Variants in CDH20 observed in about 807,000 individuals in gnomAD.
The protein encoded by CDH20 is cadherin-20.
In CDH20, 29 loss-of-function variants were observed where a neutral mutation model predicts 74.2. The observed-to-expected ratio is 0.39, with a 90% CI of 0.29 to 0.53. The LOEUF is 0.53. Ranked by LOEUF, CDH20 falls within the 20% of genes least tolerant of loss-of-function variation. The pLI is 0.69. For synonymous variants in CDH20, 469 were observed against 405.4 expected (o/e 1.16, Z -1.88); for missense variants, 988 against 1,048.3 (o/e 0.94, Z 0.79).
intron 1 of CDH20, chr18:61,404,973 T>A (rs918828295): frequency 1.4e-6 from 1 of 710,554 alleles, no homozygotes. Flanking sequence ...CAGTTCAATA[T>A]TATTGCCACT....
rs372495474 is a variant in CDH20 at position 61,357,153 on chromosome 18, A to G, written c.-153+23326A>G. Among the ~76,000 whole-genome samples, 10 of 152,288 alleles carry G rather than the reference A, an allele frequency of 6.6e-5. No individual in the cohort carries two copies. The East Asian group carries it at 7.7e-4, about 12-fold the overall frequency. On this transcript the variant is annotated intron_variant, in intron 1 of 11. Coordinates refer to ENST00000262717, the MANE Select transcript of CDH20 (RefSeq NM_031891.4). ...GTCTCATTTACACCAAGCAGCCAGA[A>G]TACTCTCCAAGAAAAAACTAGATTT...
Position 61,554,280 on chromosome 18 carries a change from G to A in CDH20, c.1991G>A (p.Arg664His), listed in dbSNP as rs769462497. The change falls in exon 12 of 12, where the codon CGC (arginine) becomes CAC (histidine). Residue 664 changes from arginine (R) to histidine (H), a missense_variant. Coordinates refer to ENST00000262717, the MANE Select transcript of CDH20 (RefSeq NM_031891.4). ...GAAAACATCCACGAGAACATCGTCCGCTACGACGACGAGGGCGGCGGCGAG... is the reference window on the plus strand; with the variant it reads ...GAAAACATCCACGAGAACATCGTCCACTACGACGACGAGGGCGGCGGCGAG... ...DEENIHENIV[R>H]YDDEGGGEED... The A allele has an allele frequency of 3.7e-6, 6 of 1,613,868 alleles. No individual in the cohort carries two copies. The highest frequency in any genetic ancestry group is 3.3e-5 in the South Asian group (3 of 91,078).
chr18:61,503,441 C>G (rs1479539593), intron 5 of CDH20, among the ~76,000 whole-genome samples: 1 of 152,004 alleles, frequency 6.6e-6, no homozygotes, highest in Non-Finnish European at 1.5e-5. Context: ...TTGGGTAGAA[C>G]TGACCTTTAG....
At chr18:61,500,318 C>CT in intron 3 of CDH20, 65 bp from the exon 4 acceptor site, 1 of 1,549,296 alleles carries the variant, frequency 6.5e-7, no homozygotes, top group Non-Finnish European at 8.8e-7. Flanking sequence ...AGATGGACCG[C>CT]TCAGGATTGC....
intron 1 of CDH20, among the ~76,000 whole-genome samples, chr18:61,427,708 T>G (rs1913118005): frequency 6.6e-6 from 1 of 152,242 alleles, no homozygotes; most frequent in Non-Finnish European, 1.5e-5. Flanking sequence ...TATCACAAAC[T>G]GATAAACAGT....
chr18:61,366,718 GCC>G (rs1248707971), intron 1 of CDH20, among the ~76,000 whole-genome samples: 3 of 151,888 alleles, frequency 2.0e-5, no homozygotes, highest in African/African-American at 7.3e-5. Context: ...TTATAATGTT[GCC>G]CCTTCCCTCT....
Position 61,337,588 on chromosome 18 carries a change from T to C in CDH20, c.-153+3761T>C, listed in dbSNP as rs77621363. On this transcript the variant is annotated intron_variant, in intron 1 of 11. Transcript: ENST00000262717. ...AACAACCTCCTCTGTATTTTCATACTAATTTAGTGACCAAGAAAACATATT... is the reference window on the plus strand; with the variant it reads ...AACAACCTCCTCTGTATTTTCATACCAATTTAGTGACCAAGAAAACATATT... Among the ~76,000 whole-genome samples the C allele has an allele frequency of 9.6e-3, 1,456 of 152,346 alleles. 23 individuals carry two copies. Among genetic ancestry groups the C allele is most frequent in the African/African-American group, 0.034 (1,395 of 41,584 alleles).
intron 7 of CDH20, among the ~76,000 whole-genome samples, chr18:61,532,199 A>C (rs1337782930): frequency 6.6e-6 from 1 of 152,112 alleles, no homozygotes. Context: ...TAAGGATCAT[A>C]ATTGTGCCTA....
At chr18:61,438,218 T>C (rs1207416044) in intron 1 of CDH20, among the ~76,000 whole-genome samples, 1 of 152,166 alleles carries the variant, frequency 6.6e-6, no homozygotes, top group Non-Finnish European at 1.5e-5. Context: ...TCTTTTGTTT[T>C]CTTTCCCCTT....
chr18:61,378,665 T>C (rs1911329628), intron 1 of CDH20, among the ~76,000 whole-genome samples: 1 of 152,250 alleles, frequency 6.6e-6, no homozygotes, highest in Admixed American at 6.5e-5. Flanking sequence ...CCCAGTCAAG[T>C]TGACGTAAAA....
At chr18:61,455,834 T>G (rs916250738) in intron 1 of CDH20, among the ~76,000 whole-genome samples, 1 of 152,242 alleles carries the variant, frequency 6.6e-6, no homozygotes, top group African/African-American at 2.4e-5. Flanking sequence ...AACCTTATAA[T>G]TCTGTCCTAA....
chr18:61,403,481 C>T (rs1333955848), intron 1 of CDH20, among the ~76,000 whole-genome samples: 1 of 152,228 alleles, frequency 6.6e-6, no homozygotes, highest in Non-Finnish European at 1.5e-5. Context: ...GGACTTTTGT[C>T]TTAACCAGCC....
intron 1 of CDH20, among the ~76,000 whole-genome samples, chr18:61,432,122 C>A (rs1913275290): frequency 6.6e-6 from 1 of 151,776 alleles, no homozygotes; most frequent in South Asian, 2.1e-4. Flanking sequence ...GTGGCGGGCG[C>A]CTGTAATCCC....
chr18:61,516,892 T>C (rs982053428), intron 6 of CDH20, among the ~76,000 whole-genome samples: 2 of 152,126 alleles, frequency 1.3e-5, no homozygotes, highest in Non-Finnish European at 2.9e-5. Flanking sequence ...TTTAGACAAT[T>C]GAGGGCAATG....
At chr18:61,530,935 G>C (rs1568179078) in intron 7 of CDH20, among the ~76,000 whole-genome samples, 1 of 152,222 alleles carries the variant, frequency 6.6e-6, no homozygotes, top group African/African-American at 2.4e-5. Context: ...GAAAGCACCA[G>C]CTACTGCTGG....
intron 1 of CDH20, among the ~76,000 whole-genome samples, chr18:61,398,485 A>G (rs1186044828): frequency 1.3e-5 from 2 of 152,204 alleles, no homozygotes; most frequent in South Asian, 2.1e-4. Flanking sequence ...GGGATAATCT[A>G]TGGAAGTGTC....
intron 1 of CDH20, among the ~76,000 whole-genome samples, chr18:61,406,816 C>T (rs1285255484): frequency 6.6e-6 from 1 of 152,170 alleles, no homozygotes; most frequent in East Asian, 1.9e-4. Flanking sequence ...CATAGTAAGT[C>T]AGCGGGAAAG....
intron 1 of CDH20, among the ~76,000 whole-genome samples, chr18:61,446,696 T>C (rs759829517): frequency 5.9e-5 from 9 of 152,214 alleles, no homozygotes; most frequent in Non-Finnish European, 1.2e-4. Context: ...TCATTTCTCA[T>C]TCTTTTTGTT....
intron 3 of CDH20, among the ~76,000 whole-genome samples, chr18:61,499,920 C>T (rs947492100): frequency 2.6e-5 from 4 of 151,656 alleles, no homozygotes; most frequent in African/African-American, 9.7e-5. Flanking sequence ...CCCGTCTCTA[C>T]TAAATACCCT....
Sources: allele counts gnomAD v4.1 joint callset (sites outside exome capture counted in the v4.1 genomes callset), GRCh38; gene constraint gnomAD v4.1.1; transcripts MANE v1.5; gene names NCBI Gene and HGNC (gene_info 2026-07-23, HGNC 2026-07-21).